The following C12orf76 variants were observed in gnomAD, a reference collection of about 807,000 sequenced individuals.
The protein encoded by C12orf76 is chromosome 12 open reading frame 76.
C12orf76 carries 6 observed loss-of-function variants against 6.8 expected under a neutral mutation model. The observed-to-expected ratio is 0.88, with a 90% CI of 0.48 to 1.73. The LOEUF is 1.73. C12orf76 is among the 40% of genes most tolerant of loss of function. C12orf76 has a pLI of 0.01. For missense variants in C12orf76, 99 were observed against 98.2 expected (o/e 1.01, Z -0.03); for synonymous variants, 56 against 43.7 (o/e 1.28, Z -1.11).
intron 1 of C12orf76, among the ~76,000 whole-genome samples, chr12:110,066,378 A>C (rs1332591242): frequency 3.3e-5 from 4 of 120,346 alleles, no homozygotes; most frequent in Admixed American, 2.4e-4. Context: ...AAAAAAAAAA[A>C]AAAAAAAAAA....
At chr12:110,060,957 C>T (rs1452110017) in intron 2 of C12orf76, among the ~76,000 whole-genome samples, 1 of 152,000 alleles carries the variant, frequency 6.6e-6, no homozygotes, top group Non-Finnish European at 1.5e-5. Flanking sequence ...ATCACTTGAG[C>T]CCGGGAGGCG....
upstream of C12orf76, among the ~76,000 whole-genome samples, chr12:110,068,264 AGAAG>A (rs1392530007): frequency 1.8e-4 from 20 of 113,368 alleles, no homozygotes; most frequent in Non-Finnish European, 3.4e-4. Context: ...AAGAAGAAGA[AGAAG>A]AAGAAGAAGA....
upstream of C12orf76, among the ~76,000 whole-genome samples, chr12:110,069,937 A>G (rs1474365537): frequency 2.0e-5 from 3 of 152,194 alleles, no homozygotes; most frequent in Admixed American, 2.0e-4. Flanking sequence ...ATGTTTTTAT[A>G]TATACAATGA....
chr12:110,069,212 G>T (rs56139851), upstream of C12orf76, among the ~76,000 whole-genome samples: 1 of 152,150 alleles, frequency 6.6e-6, no homozygotes, highest in Non-Finnish European at 1.5e-5. Flanking sequence ...AGGCCAAGGC[G>T]GGCGGATCAC....
intron 2 of C12orf76, among the ~76,000 whole-genome samples, chr12:110,065,295 C>T (rs915038287): frequency 5.9e-5 from 9 of 151,736 alleles, no homozygotes; most frequent in Non-Finnish European, 1.3e-4. Flanking sequence ...CTCAGCCTCC[C>T]GAGTAGCTGG....
chr12:110,071,560 G>C (rs1297104179), upstream of C12orf76, among the ~76,000 whole-genome samples: 2 of 151,908 alleles, frequency 1.3e-5, no homozygotes, highest in Non-Finnish European at 2.9e-5. Context: ...AGAAACAGAG[G>C]CTCAGAGAAG....
Position 110,043,366 on chromosome 12 carries a change from T to C in C12orf76, c.134-907A>G, listed in dbSNP as rs146458340. On this transcript the variant is annotated intron_variant, in intron 1 of 1. Coordinates refer to ENST00000615315, the MANE Select transcript of C12orf76 (RefSeq NM_001389625.1). Reference sequence around the variant, plus strand: ...AGGCAAAGGAATGACATCATCTGATTTAGTCGGAAAAAAAAAAAAAGATTC... The same window carrying C: ...AGGCAAAGGAATGACATCATCTGATCTAGTCGGAAAAAAAAAAAAAGATTC... Among the ~76,000 whole-genome samples the C allele has an allele frequency of 7.3e-3, 1,034 of 141,324 alleles. 10 individuals carry two copies. Among genetic ancestry groups the C allele is most frequent in the African/African-American group, 0.028 (934 of 33,172 alleles). 92.7% of individuals were successfully genotyped at this position (141,324 alleles called of 152,430 possible).
At chr12:110,051,405 C>G (rs1892573320), upstream of C12orf76, 1 of 610,220 alleles carries the variant, frequency 1.6e-6, no homozygotes, top group Non-Finnish European at 2.9e-6. Flanking sequence ...TGAGCACTCG[C>G]TATAGGAAAG....
intron 3 of C12orf76, among the ~76,000 whole-genome samples, chr12:110,057,566 C>T (rs1371749524): frequency 6.6e-6 from 1 of 152,104 alleles, no homozygotes; most frequent in African/African-American, 2.4e-5. Context: ...GGGTTGAGGA[C>T]CCAAGAGATG....
At chr12:110,058,850 C>T in intron 3 of C12orf76, 14 of 965,706 alleles carry the variant, frequency 1.4e-5, no homozygotes, top group South Asian at 4.4e-5. Context: ...TTTTGGTAAC[C>T]CTAATATGTC....
upstream of C12orf76, chr12:110,050,956 TG>T: frequency 1.4e-6 from 1 of 722,498 alleles, no homozygotes; most frequent in Non-Finnish European, 2.5e-6. Flanking sequence ...TGGCTACCTT[TG>T]GGTAAGTGTT....
At chr12:110,060,506 C>T (rs2137233031) in intron 2 of C12orf76, among the ~76,000 whole-genome samples, 1 of 152,234 alleles carries the variant, frequency 6.6e-6, no homozygotes, top group East Asian at 1.9e-4. Context: ...GCCCCACCTC[C>T]CTCACCTCCT....
At chr12:110,048,650 G>A (rs544979960), upstream of C12orf76, 11 of 1,281,728 alleles carry the variant, frequency 8.6e-6, no homozygotes, top group African/African-American at 1.5e-5. Flanking sequence ...TTCTGCCTAA[G>A]ATTTGTTCCG....
intron 4 of C12orf76, chr12:110,057,068 A>G (rs1159444946): frequency 1.5e-6 from 1 of 686,146 alleles, no homozygotes; most frequent in Non-Finnish European, 2.6e-6. Context: ...GGTTGAGCCC[A>G]TGGAACCCTC....
chr12:110,052,240 C>T (rs570779066), upstream of C12orf76, among the ~76,000 whole-genome samples: 9 of 151,614 alleles, frequency 5.9e-5, no homozygotes, highest in East Asian at 1.7e-3. Flanking sequence ...GTTGCCCAGG[C>T]TGGAGTGTAG....
chr12:110,055,057 T>A (rs950175489), intron 4 of C12orf76, among the ~76,000 whole-genome samples: 2 of 152,204 alleles, frequency 1.3e-5, no homozygotes, highest in Non-Finnish European at 2.9e-5. Context: ...ATGCTTTATT[T>A]GTTAAATTGG....
chr12:110,061,709 G>A (rs762413409), intron 2 of C12orf76, among the ~76,000 whole-genome samples: 6 of 151,560 alleles, frequency 4.0e-5, no homozygotes, highest in Non-Finnish European at 7.4e-5. Context: ...GCTAATTTTT[G>A]TAGTTTTTAG....
chr12:110,048,666 A>G (rs978944502), upstream of C12orf76: 5 of 1,272,898 alleles, frequency 3.9e-6, no homozygotes, highest in Non-Finnish European at 4.0e-6. Flanking sequence ...TTCCGGATTA[A>G]CGTTCCTCAA....
chr12:110,057,140 A>G, intron 4 of C12orf76: 2 of 1,329,164 alleles, frequency 1.5e-6, no homozygotes, highest in South Asian at 1.2e-5. Flanking sequence ...GTTGTTCTTC[A>G]GAGTCCCAAT....
Sources: allele counts gnomAD v4.1 joint callset (sites outside exome capture counted in the v4.1 genomes callset), GRCh38; gene constraint gnomAD v4.1.1; transcripts MANE v1.5; gene names NCBI Gene and HGNC (gene_info 2026-07-23, HGNC 2026-07-21).